The following ITGA2 variants were observed in gnomAD, a reference collection of about 807,000 sequenced individuals.
ITGA2 encodes integrin alpha-2.
ITGA2 carries 101 observed loss-of-function variants against 146.3 expected under a neutral mutation model. That is an observed-to-expected ratio of 0.69 (90% CI 0.59 to 0.81). The LOEUF (loss-of-function observed/expected upper bound fraction) is 0.81. ITGA2 is among the 40% of genes least tolerant of loss of function. ITGA2 has a pLI of 0.00. For missense variants in ITGA2, 1,281 were observed against 1,402.7 expected (o/e 0.91, Z 1.39); for synonymous variants, 477 against 487.1 (o/e 0.98, Z 0.27).
chr5:53,048,806 T>C (rs758519295), intron 6 of ITGA2, 36 bp downstream of exon 6: 35 of 1,608,702 alleles, frequency 2.2e-5, no homozygotes, highest in African/African-American at 5.4e-5. Flanking sequence ...AACTTATGGC[T>C]TTCTTTCTGA....
chr5:53,004,735 A>G (rs754231119), intron 1 of ITGA2, among the ~76,000 whole-genome samples: 2 of 152,090 alleles, frequency 1.3e-5, no homozygotes, highest in Non-Finnish European at 2.9e-5. Flanking sequence ...ATGCCACTGC[A>G]TTCCAAAAGC....
intron 1 of ITGA2, among the ~76,000 whole-genome samples, chr5:52,997,616 G>A (rs569949888): frequency 6.6e-6 from 1 of 152,290 alleles, no homozygotes; most frequent in South Asian, 2.1e-4. Flanking sequence ...GGTGGCCTTT[G>A]TTTGTCTTTG....
At chr5:53,074,241 T>C in intron 20 of ITGA2, 144 bp from the exon 21 acceptor site, 2 of 709,258 alleles carry the variant, frequency 2.8e-6, no homozygotes, top group Non-Finnish European at 5.2e-6. Context: ...GTATAAAATT[T>C]CAAGTCTTGA....
rs372464310 is a variant in ITGA2 at position 53,033,850 on chromosome 5, G to A, written c.185+6982G>A. ...GCAATCTCGGCTCACTGCAAGCTCC[G>A]CCTCCTGGGTTCATGCCATTCTCCT... is the stretch of plus-strand genomic sequence containing the variant. On this transcript the variant is annotated intron_variant, in intron 2 of 29. Coordinates refer to ENST00000296585, the MANE Select transcript of ITGA2 (RefSeq NM_002203.4). Among the ~76,000 whole-genome samples the A allele has an allele frequency of 9.8e-4, 148 of 150,574 alleles. 1 individual carries two copies. Among genetic ancestry groups the A allele is most frequent in the African/African-American group, 3.4e-3 (141 of 40,924 alleles).
chr5:53,055,780 G>A lies in ITGA2; in HGVS notation c.930+92G>A, dbSNP rs1163317363. 4.1e-6 allele frequency: 6 copies of A among 1,450,242 alleles called. No homozygotes were observed. In the African/African-American group the frequency reaches 7.0e-5, roughly 17 times the overall value. The allele number at this position is 1,450,242 out of a possible 1,614,324, so 89.8% of individuals were successfully genotyped here. A position where few individuals can be genotyped will look rare whatever the true frequency, so the allele number is the denominator to read the frequency against. On this transcript the variant is annotated intron_variant, in intron 8 of 29. Transcript: ENST00000296585. ...TCAAGGCTGCACTTTCCCATTGGCT[G>A]TTCATAGTTGAATATAAAAGAAAGT...
At position 52,989,413 on chromosome 5, in the gene ITGA2, TCCTCTGCAAA is replaced by T. The variant is rs1194653211; in HGVS notation, c.-43_-34del. On this transcript the variant is annotated 5_prime_UTR_variant, in exon 1 of 30. Coordinates refer to ENST00000296585, the MANE Select transcript of ITGA2 (RefSeq NM_002203.4). ...TTCTCGTATCCCTCGGCCAAGGGTATCCTCTGCAAACCTCTGCAAACCCAGCGCAACTACG... is the reference window on the plus strand; with the variant it reads ...TTCTCGTATCCCTCGGCCAAGGGTATCCTCTGCAAACCCAGCGCAACTACG... 5.1e-6 allele frequency: 8 copies of T among 1,571,432 alleles called. No individual in the cohort carries two copies. Among genetic ancestry groups the T allele is most frequent in the African/African-American group, 1.4e-5 (1 of 74,050 alleles).
chr5:53,039,626 G>C (rs1451710310), intron 2 of ITGA2, among the ~76,000 whole-genome samples: 2 of 150,856 alleles, frequency 1.3e-5, no homozygotes, highest in Admixed American at 1.3e-4. Flanking sequence ...TGTAGTCTTA[G>C]CTACTTGGGA....
At chr5:52,989,650 C>T in intron 1 of ITGA2, 118 bp downstream of exon 1, 1 of 1,139,918 alleles carries the variant, frequency 8.8e-7, no homozygotes, top group Non-Finnish European at 1.3e-6. Context: ...TCGGATTCCA[C>T]GTGGACTCGG....
intron 2 of ITGA2, among the ~76,000 whole-genome samples, chr5:53,038,104 CA>C (rs1230196359): frequency 1.3e-5 from 2 of 151,084 alleles, no homozygotes; most frequent in Admixed American, 6.6e-5. Context: ...TAGGAGGTGA[CA>C]GGGAGAGTGT....
chr5:53,070,266 G>A lies in ITGA2; in HGVS notation c.2235+6G>A. 1 of 1,611,338 alleles carries A rather than the reference G, an allele frequency of 6.2e-7. No individual in the cohort carries two copies. Among genetic ancestry groups the A allele is most frequent in the Non-Finnish European group, 8.5e-7 (1 of 1,178,162 alleles). On this transcript the variant is annotated splice_donor_region_variant and intron_variant, in intron 17 of 29. Transcript: ENST00000296585. The stretch of plus-strand genomic sequence containing the variant: ...AGCACATCATTTATATACAGGTAAG[G>A]CCTCAGGAACATCCCTTTTGACTTT...
chr5:53,087,493 C>T (rs1380314403), intron 28 of ITGA2, among the ~76,000 whole-genome samples: 2 of 152,082 alleles, frequency 1.3e-5, no homozygotes, highest in Non-Finnish European at 2.9e-5. Context: ...GGTACTGAAG[C>T]ATGCTTAATA....
intron 10 of ITGA2, 36 bp downstream of exon 10, chr5:53,058,137 T>C (rs1744727656): frequency 1.3e-6 from 2 of 1,485,478 alleles, no homozygotes; most frequent in Non-Finnish European, 1.9e-6. Flanking sequence ...CATGTTGTCA[T>C]TTGGCATAAC....
At position 53,074,603 on chromosome 5, in the gene ITGA2, G is replaced by A. The variant is rs1269847605; in HGVS notation, c.2664+126G>A. On this transcript the variant is annotated intron_variant, in intron 21 of 29. Coordinates refer to ENST00000296585, the MANE Select transcript of ITGA2 (RefSeq NM_002203.4). Reference sequence around the variant, plus strand: ...CAAAATAACTAGCTGCATACTTAGGGGAAGTTTTCAATATCTAAATGTTTT... The same window carrying A: ...CAAAATAACTAGCTGCATACTTAGGAGAAGTTTTCAATATCTAAATGTTTT... The A allele has an allele frequency of 3.9e-6, 3 of 761,202 alleles. No individual in the cohort carries two copies. The African/African-American group carries it at 5.2e-5, about 13-fold the overall frequency. The allele number at this position is 761,202 out of a possible 1,614,324, so 47.2% of individuals were successfully genotyped here. A position where few individuals can be genotyped will look rare whatever the true frequency, so the allele number is the denominator to read the frequency against.
chr5:53,050,783 A>G (rs1052547849), intron 6 of ITGA2, among the ~76,000 whole-genome samples: 12 of 152,174 alleles, frequency 7.9e-5, no homozygotes, highest in Admixed American at 7.9e-4. Context: ...TTCAAATAAG[A>G]TGCTCTCCAG....
chr5:53,028,080 C>CAA (rs371152982), intron 2 of ITGA2, among the ~76,000 whole-genome samples: 7,629 of 146,370 alleles, frequency 0.052, 228 homozygotes, highest in Non-Finnish European at 0.069. Flanking sequence ...GATCCTGTCT[C>CAA]AAAAAAAAAA....
intron 9 of ITGA2, among the ~76,000 whole-genome samples, chr5:53,056,556 CT>C (rs1198777704): frequency 1.3e-5 from 2 of 151,852 alleles, no homozygotes; most frequent in African/African-American, 4.8e-5. Context: ...GAATATCTAT[CT>C]ATTAGAATCA....
rs539911668 is a variant in ITGA2 at position 53,081,204 on chromosome 5, A to C, written c.3040-388A>C. ...CGCTGCTCTAGCCAAACCTCTTGAC[A>C]TTGGCTCATCTTCAGTCCAACAGTT... On this transcript the variant is annotated intron_variant, in intron 25 of 29. Transcript: ENST00000296585. 9.2e-5 allele frequency among the ~76,000 whole-genome samples: 14 copies of C among 152,264 alleles called. No individual in the cohort carries two copies. The South Asian group carries it at 2.5e-3, about 27-fold the overall frequency.
chr5:53,069,983 T>C (rs1057444649), intron 16 of ITGA2, 126 bp from the exon 17 acceptor site: 3 of 747,608 alleles, frequency 4.0e-6, no homozygotes, highest in Middle Eastern at 3.8e-4. Flanking sequence ...AAGCCACCAA[T>C]ATGAAGACTA....
intron 17 of ITGA2, among the ~76,000 whole-genome samples, chr5:53,070,998 C>T (rs1259090337): frequency 6.6e-5 from 10 of 151,848 alleles, no homozygotes. Context: ...TGGGTTCTTA[C>T]CATCAGAAAT....
Sources: allele counts gnomAD v4.1 joint callset (sites outside exome capture counted in the v4.1 genomes callset), GRCh38; gene constraint gnomAD v4.1.1; transcripts MANE v1.5; gene names NCBI Gene and HGNC (gene_info 2026-07-23, HGNC 2026-07-21).